MYO7B: variants seen among roughly 807,000 people sequenced by gnomAD.
MYO7B encodes the protein myosin VIIB.
MYO7B carries 212 observed loss-of-function variants against 259.7 expected under a neutral mutation model. The observed-to-expected ratio is 0.82, with a 90% CI of 0.73 to 0.91. MYO7B has a LOEUF of 0.91. MYO7B is among the 40% of genes least tolerant of loss of function. The pLI, the probability that MYO7B is intolerant of heterozygous loss-of-function variation, is 0.00. For missense variants in MYO7B, 2,732 were observed against 2,813.5 expected, an observed-to-expected ratio of 0.97 and a Z score of 0.66; for synonymous variants, 1,197 against 1,166.4, an observed-to-expected ratio of 1.03 and a Z score of -0.54.
At position 127,624,110 on chromosome 2, in the gene MYO7B, C is replaced by T. The variant is rs747471700; in HGVS notation, c.3837C>T (p.Ser1279=). 7 of 1,573,352 alleles carry T rather than the reference C, an allele frequency of 4.4e-6. No individual in the cohort carries two copies. In the African/African-American group the frequency reaches 5.4e-5, roughly 12 times the overall value. The change falls in exon 30 of 48, where the codon AGC becomes AGT. Residue 1279 remains serine, a synonymous_variant. Transcript: ENST00000409816. The part of the protein sequence containing the change: ...AVYDKFWSLG[S]GRDHMMDAIA... The stretch of plus-strand genomic sequence containing the variant: ...GGCCTCAGTTCTGGTCCCTGGGCAG[C>T]GGGCGCGACCACATGATGGATGCCA...
intron 1 of MYO7B, among the ~76,000 whole-genome samples, chr2:127,557,347 T>G (rs1256159761): frequency 6.6e-6 from 1 of 152,198 alleles, no homozygotes; most frequent in African/African-American, 2.4e-5. Flanking sequence ...TTTACGTTTC[T>G]CTGGTGCCTC....
chr2:127,555,818 T>C (rs1260658363), intron 1 of MYO7B, among the ~76,000 whole-genome samples: 2 of 152,254 alleles, frequency 1.3e-5, no homozygotes, highest in Non-Finnish European at 2.9e-5. Context: ...TGGCTTATCG[T>C]ATGGTCTATC....
intron 6 of MYO7B, among the ~76,000 whole-genome samples, chr2:127,573,118 A>G (rs1297035730): frequency 6.6e-6 from 1 of 152,130 alleles, no homozygotes; most frequent in Non-Finnish European, 1.5e-5. Context: ...TCCTAAACCT[A>G]CTTCCCCAAG....
intron 9 of MYO7B, 125 bp downstream of exon 9, chr2:127,578,411 T>A: frequency 8.0e-7 from 1 of 1,249,666 alleles, no homozygotes; most frequent in East Asian, 2.5e-5. Context: ...TGGAAAAATA[T>A]ATCTAAAAAA....
chr2:127,548,487 C>T (rs1222709535), intron 1 of MYO7B, among the ~76,000 whole-genome samples: 3 of 150,008 alleles, frequency 2.0e-5, no homozygotes, highest in African/African-American at 7.4e-5. Flanking sequence ...CGGATCTCAA[C>T]TCACTGCCAC....
At chr2:127,621,928 A>G in intron 27 of MYO7B, 54 bp from the exon 28 acceptor site, 1 of 1,551,346 alleles carries the variant, frequency 6.4e-7, no homozygotes, top group Non-Finnish European at 8.7e-7. Flanking sequence ...TGGTGAGTAG[A>G]AACTGGCCTC....
intron 1 of MYO7B, among the ~76,000 whole-genome samples, chr2:127,558,364 G>T (rs1166296759): frequency 6.6e-6 from 1 of 152,188 alleles, no homozygotes; most frequent in Non-Finnish European, 1.5e-5. Context: ...TAGCATGGAT[G>T]CAGTGAAAAG....
rs1679388117 is a variant in MYO7B, at chr2:127,588,474, G to A, written c.1773G>A (p.Glu591=). 6.2e-7 allele frequency: 1 copy of A among 1,613,346 alleles called. No homozygotes were observed. Among genetic ancestry groups the A allele is most frequent in the African/African-American group, 1.3e-5 (1 of 75,060 alleles). The change falls in exon 15 of 48, where the codon GAG becomes GAA. Residue 591 remains glutamate (E), a synonymous_variant. Transcript: ENST00000409816. ...CCTCCAAAAACAAGTTTCTGAGGGA[G>A]ATATTCAACTTGGAGTTAGCAGAGA... ...VYSSKNKFLR[E]IFNLELAETK...
chr2:127,574,078 T>C lies in MYO7B; in HGVS notation c.735+16T>C. 1.2e-6 allele frequency: 2 copies of C among 1,613,564 alleles called. No homozygotes were observed. Among genetic ancestry groups the C allele is most frequent in the Non-Finnish European group, 1.7e-6 (2 of 1,179,752 alleles). Reference sequence around the variant, plus strand: ...CTGCCGGCAGGTGAGGCCTCCCCCTTCCCAGGTCGGGAGTTGAGGGAATGG... The same window carrying C: ...CTGCCGGCAGGTGAGGCCTCCCCCTCCCCAGGTCGGGAGTTGAGGGAATGG... On this transcript the variant is annotated intron_variant, in intron 7 of 47. Coordinates refer to ENST00000409816, the MANE Select transcript of MYO7B (RefSeq NM_001393586.1).
intron 6 of MYO7B, 62 bp downstream of exon 6, chr2:127,569,972 A>G: frequency 6.5e-7 from 1 of 1,548,992 alleles, no homozygotes; most frequent in Non-Finnish European, 8.7e-7. Context: ...CCTGCCAGGT[A>G]GGACCATGGG....
Position 127,597,884 on chromosome 2 carries a change from C to T in MYO7B, c.2339+1328C>T, listed in dbSNP as rs1049166741. ...AACTCCTGGCCTCAAGTGATCCGCC[C>T]GCCTCAGCCTCTCAAAGTGCTGGGA... On this transcript the variant is annotated intron_variant, in intron 19 of 47. Transcript: ENST00000409816. This position sits in a 1 kb window ranked among gnomAD's most constrained non-coding sequence, Gnocchi z 4.8. Among the ~76,000 whole-genome samples the T allele has an allele frequency of 2.5e-4, 38 of 151,988 alleles. No homozygotes were observed. The highest frequency in any genetic ancestry group is 8.9e-4 in the African/African-American group (37 of 41,366).
At chr2:127,543,086 C>T (rs912661681) in intron 1 of MYO7B, among the ~76,000 whole-genome samples, 15 of 152,278 alleles carry the variant, frequency 9.9e-5, no homozygotes, top group Middle Eastern at 3.4e-3. Context: ...TGCAAAGAGG[C>T]GTTCCTCTTT....
rs1359508442 is a variant in MYO7B at position 127,576,131 on chromosome 2, C to T, written c.736-464C>T. ...GGAGGATGGCTTGAATCCAGGACTTCGAGGCTACAGTGGGCTGAGATTGCA... is the reference window on the plus strand; with the variant it reads ...GGAGGATGGCTTGAATCCAGGACTTTGAGGCTACAGTGGGCTGAGATTGCA... On this transcript the variant is annotated intron_variant, in intron 7 of 47. Coordinates refer to ENST00000409816, the MANE Select transcript of MYO7B (RefSeq NM_001393586.1). This position sits in a 1 kb window ranked among gnomAD's most constrained non-coding sequence, Gnocchi z 4.9. Among the ~76,000 whole-genome samples, 4 of 151,680 alleles carry T rather than the reference C, an allele frequency of 2.6e-5. No individual in the cohort carries two copies. The highest frequency in any genetic ancestry group is 2.1e-4 in the South Asian group (1 of 4,816).
intron 30 of MYO7B, 136 bp downstream of exon 30, chr2:127,624,456 T>G: frequency 1.3e-6 from 1 of 771,290 alleles, no homozygotes; most frequent in Non-Finnish European, 2.0e-6. Flanking sequence ...TGTAGGTCCC[T>G]TCCAGGCCCA....
At position 127,549,334 on chromosome 2, in the gene MYO7B, G is replaced by T. The variant is rs189425901; in HGVS notation, c.-23-10366G>T. On this transcript the variant is annotated intron_variant, in intron 1 of 47. Coordinates refer to ENST00000409816, the MANE Select transcript of MYO7B (RefSeq NM_001393586.1). Reference sequence around the variant, plus strand: ...TGTCTTTAAAAAATAATTTCAACTGGTATTTTTATTAGGGAGTACATGTAC... The same window carrying T: ...TGTCTTTAAAAAATAATTTCAACTGTTATTTTTATTAGGGAGTACATGTAC... 3.3e-3 allele frequency among the ~76,000 whole-genome samples: 508 copies of T among 152,068 alleles called. 6 individuals carry two copies. Among genetic ancestry groups the T allele is most frequent in the Admixed American group, 6.3e-3 (97 of 15,280 alleles).
intron 7 of MYO7B, among the ~76,000 whole-genome samples, chr2:127,574,313 G>A (rs1015777196): frequency 1.3e-5 from 2 of 152,132 alleles, no homozygotes; most frequent in Non-Finnish European, 2.9e-5. Flanking sequence ...AAGCGGGTGG[G>A]TTACTTGAGG....
intron 17 of MYO7B, 65 bp downstream of exon 17, chr2:127,593,011 C>A: frequency 6.5e-7 from 1 of 1,535,340 alleles, no homozygotes; most frequent in Non-Finnish European, 8.8e-7. Context: ...CTTGGCACCT[C>A]CAGCCCCCAG....
chr2:127,564,296 T>G, intron 3 of MYO7B, 30 bp downstream of exon 3: 12 of 1,471,734 alleles, frequency 8.2e-6, no homozygotes, highest in Non-Finnish European at 1.0e-5. Flanking sequence ...CTCTGGGCCC[T>G]GCCCTGCCCT....
chr2:127,603,942 G>A lies in MYO7B; in HGVS notation c.2340-1902G>A, dbSNP rs184849358. On this transcript the variant is annotated intron_variant, in intron 19 of 47. Coordinates refer to ENST00000409816, the MANE Select transcript of MYO7B (RefSeq NM_001393586.1). ...AGGTCAGCAGTTCGAGACCAGCCTG[G>A]CCAATATGGTGAAACCCCATCTCTA... Among the ~76,000 whole-genome samples the A allele has an allele frequency of 5.3e-5, 8 of 150,080 alleles. No homozygotes were observed. The South Asian group carries it at 6.3e-4, about 12-fold the overall frequency.
Sources: allele counts gnomAD v4.1 joint callset (sites outside exome capture counted in the v4.1 genomes callset), GRCh38; gene constraint gnomAD v4.1.1; non-coding constraint Gnocchi (gnomAD v3.1); transcripts MANE v1.5; gene names NCBI Gene and HGNC (gene_info 2026-07-23, HGNC 2026-07-21).